The following CYP2U1 variants were observed in gnomAD, a reference collection of about 807,000 sequenced individuals.
CYP2U1 encodes the protein cytochrome P450 family 2 subfamily U member 1, also known as cytochrome P450 2U1.
CYP2U1 carries 28 observed loss-of-function variants against 42.8 expected under a neutral mutation model. The observed-to-expected ratio is 0.65, with a 90% CI of 0.48 to 0.90. The LOEUF is 0.90. Among genes scored for constraint, CYP2U1 ranks in the 40% least tolerant of loss-of-function variants. CYP2U1 has a pLI of 0.00. For synonymous variants in CYP2U1, 296 were observed against 278.9 expected (o/e 1.06, Z -0.61); for missense variants, 642 against 693.8 (o/e 0.93, Z 0.84).
At position 107,951,500 on chromosome 4, in the gene CYP2U1, G is replaced by A. The variant is rs2126204182; in HGVS notation, c.*1077G>A. On this transcript the variant is annotated 3_prime_UTR_variant, in exon 5 of 5. Coordinates refer to ENST00000332884, the MANE Select transcript of CYP2U1 (RefSeq NM_183075.3). Reference sequence around the variant, plus strand: ...CTCTGGAAAAGCAGTTTTCAGCAGGGGTGGTAACCCCTTCAGAGGGAGTTT... The same window carrying A: ...CTCTGGAAAAGCAGTTTTCAGCAGGAGTGGTAACCCCTTCAGAGGGAGTTT... The A allele has an allele frequency of 6.6e-6, 1 of 152,256 alleles. No homozygotes were observed. Among genetic ancestry groups the A allele is most frequent in the South Asian group, 2.1e-4 (1 of 4,824 alleles). 9.4% of individuals were successfully genotyped at this position (152,256 alleles called of 1,614,324 possible).
intron 3 of CYP2U1, 75 bp from the exon 4 acceptor site, chr4:107,949,275 T>C: frequency 7.5e-7 from 1 of 1,333,908 alleles, no homozygotes; most frequent in East Asian, 2.6e-5. Flanking sequence ...CATTTTTTTT[T>C]CAGATAATGA....
rs563220829 is a variant in CYP2U1 at position 107,953,063 on chromosome 4, C to G, written c.*2640C>G. 6.6e-6 allele frequency: 1 copy of G among 152,238 alleles called. No homozygotes were observed. The highest frequency in any genetic ancestry group is 2.1e-4 in the South Asian group (1 of 4,822). 9.4% of individuals were successfully genotyped at this position (152,238 alleles called of 1,614,324 possible). A position where few individuals can be genotyped will look rare whatever the true frequency, so the allele number is the denominator to read the frequency against. On this transcript the variant is annotated 3_prime_UTR_variant, in exon 5 of 5. Coordinates refer to ENST00000332884, the MANE Select transcript of CYP2U1 (RefSeq NM_183075.3). The stretch of plus-strand genomic sequence containing the variant: ...TGTACCTTGGGCGGGAGAGTTTGTT[C>G]TTGATATGGAATTCATATGCTTTTG...
Position 107,931,765 on chromosome 4 carries a change from G to A in CYP2U1, c.122G>A (p.Gly41Asp). ...DPSGGALLLCGLVALLGWSWL... is the reference protein window; with the variant it reads ...DPSGGALLLCDLVALLGWSWL... ...AGCGGGGGCGCGCTGCTGCTATGCG[G>A]CCTCGTAGCGCTGCTGGGCTGGAGC... Residue 41 changes from glycine to aspartate, a missense_variant, in exon 1 of 5, where the codon GGC (glycine) becomes GAC (aspartate). Transcript: ENST00000332884. The A allele has an allele frequency of 2.7e-6, 4 of 1,478,338 alleles. No individual in the cohort carries two copies. The highest frequency in any genetic ancestry group is 3.6e-6 in the Non-Finnish European group (4 of 1,121,694). The allele number at this position is 1,478,338 out of a possible 1,614,324, so 91.6% of individuals were successfully genotyped here.
chr4:107,938,363 A>G (rs989543099), intron 1 of CYP2U1: 7 of 152,242 alleles, frequency 4.6e-5, no homozygotes, highest in Non-Finnish European at 7.3e-5. Context: ...AATTTAAGTT[A>G]TCTCAAGTTG....
At chr4:107,948,592 A>AATCATCATC (rs367769005) in intron 3 of CYP2U1, among the ~76,000 whole-genome samples, 2 of 150,800 alleles carry the variant, frequency 1.3e-5, no homozygotes, top group South Asian at 4.2e-4. Context: ...TAATAATAAT[A>AATCATCATC]ATCATCATCA....
At position 107,945,325 on chromosome 4, in the gene CYP2U1, AC is replaced by A; in HGVS notation, c.848del (p.Pro283HisfsTer5). 1 of 1,614,094 alleles carries A rather than the reference AC, an allele frequency of 6.2e-7. No homozygotes were observed. Among genetic ancestry groups the A allele is most frequent in the South Asian group, 1.1e-5 (1 of 91,074 alleles). On this transcript the variant is annotated frameshift_variant, in exon 2 of 5. Transcript: ENST00000332884. LOFTEE classifies it high-confidence loss of function. Reference sequence around the variant, plus strand: ...CTTGGCTTTATTACCTTCCCTTTGGACCATTTAAGGAATTAAGACAAATTGA... The same window carrying A: ...CTTGGCTTTATTACCTTCCCTTTGGACATTTAAGGAATTAAGACAAATTGA... ...CPWLYYLPFG[P>X]FKELRQIEKD... is the part of the protein sequence containing the mutation.
At chr4:107,947,276 G>C in intron 2 of CYP2U1, 100 bp from the exon 3 acceptor site, 1 of 1,028,474 alleles carries the variant, frequency 9.7e-7, no homozygotes, top group Non-Finnish European at 1.5e-6. Context: ...ACTGCCAACT[G>C]ACCAGTTATG....
intron 1 of CYP2U1, 73 bp downstream of exon 1, chr4:107,932,206 T>A: frequency 6.7e-6 from 10 of 1,498,804 alleles, no homozygotes; most frequent in Non-Finnish European, 8.9e-6. Flanking sequence ...GGGCTGCAGT[T>A]CCTGTGCCCC....
chr4:107,933,350 C>A (rs141355747), intron 1 of CYP2U1, among the ~76,000 whole-genome samples: 1 of 152,182 alleles, frequency 6.6e-6, no homozygotes, highest in East Asian at 1.9e-4. Context: ...TATTTCACCA[C>A]AATTTTTAAA....
Position 107,950,363 on chromosome 4 carries a change from T to A in CYP2U1, c.1575T>A (p.Thr525=). The change falls in exon 5 of 5, where the codon ACT becomes ACA. Residue 525 remains threonine (T), a synonymous_variant. Transcript: ENST00000332884. ...LPEDSKKPLL[T]GRFGLTLAPH... ...AGGATTCTAAGAAGCCCCTCCTGACTGGAAGATTTGGTCTAACTTTAGCCC... is the reference window on the plus strand; with the variant it reads ...AGGATTCTAAGAAGCCCCTCCTGACAGGAAGATTTGGTCTAACTTTAGCCC... The A allele has an allele frequency of 1.2e-6, 2 of 1,614,046 alleles. No homozygotes were observed. The highest frequency in any genetic ancestry group is 1.7e-6 in the Non-Finnish European group (2 of 1,179,988).
Position 107,945,093 on chromosome 4 carries a change from A to T in CYP2U1, c.614A>T (p.Tyr205Phe). The part of the protein sequence containing the change: ...LEPKIIEEFK[Y>F]VKAEMQKHGE... ...CCCAAGATTATTGAGGAGTTCAAAT[A>T]TGTGAAAGCAGAAATGCAAAAGCAC... The change falls in exon 2 of 5, where the codon TAT becomes TTT. Residue 205 changes from tyrosine to phenylalanine, a missense_variant. By Grantham distance (22) the Tyr-to-Phe change is conservative (BLOSUM62 3). Coordinates refer to ENST00000332884, the MANE Select transcript of CYP2U1 (RefSeq NM_183075.3). 1 of 1,613,910 alleles carries T rather than the reference A, an allele frequency of 6.2e-7. No homozygotes were observed. The highest frequency in any genetic ancestry group is 2.2e-5 in the East Asian group (1 of 44,828).
chr4:107,950,524 G>T lies in CYP2U1; in HGVS notation c.*101G>T. ...GGACAGTGAATCCAGCAACTCAGTG[G>T]ATCCAAGCTGGGCTCAGAGGTCGGA... On this transcript the variant is annotated 3_prime_UTR_variant, in exon 5 of 5. Coordinates refer to ENST00000332884, the MANE Select transcript of CYP2U1 (RefSeq NM_183075.3). 1.6e-6 allele frequency: 2 copies of T among 1,282,486 alleles called. No homozygotes were observed. Among genetic ancestry groups the T allele is most frequent in the Non-Finnish European group, 2.1e-6 (2 of 959,150 alleles). The allele number at this position is 1,282,486 out of a possible 1,614,324, so 79.4% of individuals were successfully genotyped here.
rs537051297 is a variant in CYP2U1 at position 107,932,678 on chromosome 4, G to C, written c.490+545G>C. ...ATGGGAGTCTAAATTGGACATTTTTGGGGGTTGGAAAACGTGTTATCTGCT... is the reference window on the plus strand; with the variant it reads ...ATGGGAGTCTAAATTGGACATTTTTCGGGGTTGGAAAACGTGTTATCTGCT... On this transcript the variant is annotated intron_variant, in intron 1 of 4. Transcript: ENST00000332884. Among the ~76,000 whole-genome samples, 202 of 152,242 alleles carry C rather than the reference G, an allele frequency of 1.3e-3. 1 individual carries two copies. Among genetic ancestry groups the C allele is most frequent in the African/African-American group, 4.7e-3 (197 of 41,544 alleles).
At chr4:107,944,334 G>T (rs1056210201) in intron 1 of CYP2U1, among the ~76,000 whole-genome samples, 1 of 151,986 alleles carries the variant, frequency 6.6e-6, no homozygotes, top group Admixed American at 6.6e-5. Flanking sequence ...GCAGGGTCTT[G>T]CTCTGTCACC....
At chr4:107,936,399 A>C (rs1013910653) in intron 1 of CYP2U1, 1 of 152,260 alleles carries the variant, frequency 6.6e-6, no homozygotes, top group Admixed American at 6.5e-5. Flanking sequence ...TTATCACCAG[A>C]GTGGGTTAGT....
Position 107,931,951 on chromosome 4 carries a change from C to G in CYP2U1, c.308C>G (p.Pro103Arg). 6.4e-7 allele frequency: 1 copy of G among 1,551,504 alleles called. No homozygotes were observed. Among genetic ancestry groups the G allele is most frequent in the Non-Finnish European group, 8.7e-7 (1 of 1,147,092 alleles). The change falls in exon 1 of 5, where the codon CCG becomes CGG. Residue 103 changes from proline to arginine, a missense_variant. Transcript: ENST00000332884. The stretch of plus-strand genomic sequence containing the variant: ...GGGATTGATCCCTCGGTCATAGGCC[C>G]GCAGGTGCTCCTGGCTCACCTAGCC... ...AAGIDPSVIG[P>R]QVLLAHLARV... is the part of the protein sequence containing the mutation.
chr4:107,931,697 G>A lies in CYP2U1; in HGVS notation c.54G>A (p.Ala18=), dbSNP rs1732981697. The change falls in exon 1 of 5, where the codon GCG becomes GCA. Residue 18 remains alanine (A), a synonymous_variant. Transcript: ENST00000332884. ...QPPAEDPPWP[A]RLLRAPLGLL... ...CGGCCGAGGACCCGCCCTGGCCCGC[G>A]CGCCTCCTGCGTGCGCCTCTGGGGC... 1.5e-6 allele frequency: 2 copies of A among 1,339,776 alleles called. No individual in the cohort carries two copies. Among genetic ancestry groups the A allele is most frequent in the Admixed American group, 8.0e-5 (2 of 24,932 alleles). 83.0% of individuals were successfully genotyped at this position (1,339,776 alleles called of 1,614,324 possible).
intron 4 of CYP2U1, 56 bp downstream of exon 4, chr4:107,949,573 T>C: frequency 7.7e-7 from 1 of 1,294,674 alleles, no homozygotes; most frequent in Non-Finnish European, 1.0e-6. Flanking sequence ...ACTAAAATAA[T>C]ATTTTATTAT....
chr4:107,944,906 T>C, intron 1 of CYP2U1, 64 bp from the exon 2 acceptor site: 1 of 1,450,498 alleles, frequency 6.9e-7, no homozygotes, highest in Non-Finnish European at 9.1e-7. Context: ...CACTCCGTGG[T>C]AGGTCTGTTC....
Sources: gnomAD v4.1 joint callset for allele counts (sites outside exome capture counted in the v4.1 genomes callset) on GRCh38, gnomAD v4.1.1 for gene constraint, MANE v1.5 for transcripts, NCBI Gene and HGNC (gene_info 2026-07-23, HGNC 2026-07-21) for gene names.